The following FHIP1A variants were observed in gnomAD, a reference collection of about 807,000 sequenced individuals.
FHIP1A encodes the protein FHF complex subunit HOOK interacting protein 1A, also known as FHF complex subunit HOOK-interacting protein 1A.
Under a neutral mutation model 88.6 loss-of-function variants are expected in FHIP1A, and 61 were observed. That is an observed-to-expected ratio of 0.69 (90% CI 0.56 to 0.85). The LOEUF (loss-of-function observed/expected upper bound fraction) is 0.85. FHIP1A is among the 40% of genes least tolerant of loss of function. The pLI is 0.00. For synonymous variants in FHIP1A, 478 were observed against 496.0 expected (o/e 0.96, Z 0.48); for missense variants, 1,154 against 1,273.5 (o/e 0.91, Z 1.43).
intron 3 of FHIP1A, among the ~76,000 whole-genome samples, chr4:151,542,745 G>T (rs55932132): frequency 0.29 from 44,102 of 151,852 alleles, 6,649 homozygotes; most frequent in Non-Finnish European, 0.34. Context: ...GTCTTCCCTG[G>T]GGGAAATAAG....
At chr4:151,606,558 C>G (rs1382045567) in intron 7 of FHIP1A, among the ~76,000 whole-genome samples, 2 of 152,174 alleles carry the variant, frequency 1.3e-5, no homozygotes, top group Non-Finnish European at 2.9e-5. Flanking sequence ...GTGAACCAAA[C>G]TAAAAGATAC....
At chr4:151,584,905 A>G (rs1482822054) in intron 5 of FHIP1A, among the ~76,000 whole-genome samples, 1 of 152,098 alleles carries the variant, frequency 6.6e-6, no homozygotes, top group East Asian at 1.9e-4. Flanking sequence ...CAGCTTAGAT[A>G]TCACTTCTTC....
At position 151,666,819 on chromosome 4, in the gene FHIP1A, G is replaced by A. The variant is rs775710108; in HGVS notation, c.*4065G>A. Among the ~76,000 whole-genome samples, 6 of 152,200 alleles carry A rather than the reference G, an allele frequency of 3.9e-5. No homozygotes were observed. Among genetic ancestry groups the A allele is most frequent in the African/African-American group, 7.2e-5 (3 of 41,444 alleles). On this transcript the variant is annotated 3_prime_UTR_variant, in exon 14 of 14. Coordinates refer to ENST00000435205, the MANE Select transcript of FHIP1A (RefSeq NM_001109977.3). ...AATCAAGTGCTTTAACGATGGCATC[G>A]TCCTCTGGGAATAATCAGTCCTTAA...
intron 6 of FHIP1A, 123 bp from the exon 7 acceptor site, chr4:151,588,717 A>C (rs558789119): frequency 1.4e-6 from 1 of 724,664 alleles, no homozygotes; most frequent in Non-Finnish European, 2.5e-6. Context: ...TTCTTTAATC[A>C]CAGAATAAAT....
intron 4 of FHIP1A, among the ~76,000 whole-genome samples, chr4:151,577,116 T>TA (rs1363455730): frequency 1.3e-5 from 2 of 152,200 alleles, no homozygotes; most frequent in Non-Finnish European, 2.9e-5. Flanking sequence ...ACATATCACT[T>TA]ACAGTTTCTC....
At chr4:151,658,127 GT>G (rs1489745446) in intron 13 of FHIP1A, among the ~76,000 whole-genome samples, 1 of 152,172 alleles carries the variant, frequency 6.6e-6, no homozygotes, top group Admixed American at 6.5e-5. Flanking sequence ...CTGTGAGAAG[GT>G]AGACTTCGGG....
intron 1 of FHIP1A, among the ~76,000 whole-genome samples, chr4:151,410,468 AT>A (rs1294575066): frequency 6.6e-6 from 1 of 152,240 alleles, no homozygotes; most frequent in Non-Finnish European, 1.5e-5. Context: ...CTCCCTGCTA[AT>A]AGTCATAGCA....
intron 1 of FHIP1A, among the ~76,000 whole-genome samples, chr4:151,438,727 C>T (rs1025808943): frequency 6.6e-6 from 1 of 151,350 alleles, no homozygotes; most frequent in Non-Finnish European, 1.5e-5. Flanking sequence ...TTGCAGCCTC[C>T]AATTTCTGGG....
intron 1 of FHIP1A, among the ~76,000 whole-genome samples, chr4:151,443,685 CTGTGTGTGTG>C (rs57147339): frequency 1.3e-4 from 16 of 122,102 alleles, no homozygotes; most frequent in African/African-American, 4.7e-4. Context: ...ATGAAGCACT[CTGTGTGTGTG>C]TGTGTGTGTG....
intron 4 of FHIP1A, among the ~76,000 whole-genome samples, chr4:151,573,013 G>C (rs1442068814): frequency 1.3e-5 from 2 of 152,156 alleles, no homozygotes; most frequent in African/African-American, 4.8e-5. Flanking sequence ...GGTCACAGGG[G>C]CCATCATAAG....
At chr4:151,527,433 A>G (rs1731717834) in intron 3 of FHIP1A, among the ~76,000 whole-genome samples, 1 of 152,164 alleles carries the variant, frequency 6.6e-6, no homozygotes, top group South Asian at 2.1e-4. Context: ...CTGAGGCAGG[A>G]GAATCAGGCA....
At chr4:151,440,783 C>T (rs550556783) in intron 1 of FHIP1A, among the ~76,000 whole-genome samples, 1 of 152,124 alleles carries the variant, frequency 6.6e-6, no homozygotes, top group Non-Finnish European at 1.5e-5. Flanking sequence ...GTTGGGTATG[C>T]CTGATATGCT....
At chr4:151,502,169 A>AG (rs1553946875) in intron 3 of FHIP1A, among the ~76,000 whole-genome samples, 5 of 150,848 alleles carry the variant, frequency 3.3e-5, no homozygotes, top group African/African-American at 9.7e-5. Flanking sequence ...AAAAAAAAAA[A>AG]AAAAGAAAAG....
intron 2 of FHIP1A, among the ~76,000 whole-genome samples, chr4:151,460,769 G>A (rs1409623926): frequency 2.0e-5 from 3 of 152,170 alleles, no homozygotes; most frequent in Non-Finnish European, 4.4e-5. Context: ...TGATAAGTAT[G>A]GACCGAGGTC....
At chr4:151,515,255 C>G (rs1181783042) in intron 3 of FHIP1A, among the ~76,000 whole-genome samples, 1 of 35,974 alleles carries the variant, frequency 2.8e-5, no homozygotes, top group Non-Finnish European at 7.0e-5. Context: ...AATTCAACAA[C>G]CTTCATGCTA....
intron 1 of FHIP1A, among the ~76,000 whole-genome samples, chr4:151,429,617 G>A (rs563357504): frequency 6.6e-6 from 1 of 152,282 alleles, no homozygotes; most frequent in East Asian, 1.9e-4. Context: ...GGGAGGCCAA[G>A]GTGGGTGGAT....
rs1737626500 is a variant in FHIP1A, at chr4:151,665,485, A to T, written c.*2731A>T. Among the ~76,000 whole-genome samples, 1 of 152,214 alleles carries T rather than the reference A, an allele frequency of 6.6e-6. No individual in the cohort carries two copies. ...TGGTTTTGCAAAATGAAGTCAGAAAATGGAGCTGGATGTAGAGAGAACAGG... is the reference window on the plus strand; with the variant it reads ...TGGTTTTGCAAAATGAAGTCAGAAATTGGAGCTGGATGTAGAGAGAACAGG... On this transcript the variant is annotated 3_prime_UTR_variant, in exon 14 of 14. Coordinates refer to ENST00000435205, the MANE Select transcript of FHIP1A (RefSeq NM_001109977.3).
chr4:151,501,693 G>GT lies in FHIP1A; in HGVS notation c.-123+19051dup, dbSNP rs781255725. ...TCAAAGATTTTGAACATTTTTTCAT[G>GT]TTTTTTATGTTGGTCATTTGTATAT... On this transcript the variant is annotated intron_variant, in intron 3 of 13. Transcript: ENST00000435205. Among the ~76,000 whole-genome samples, 8 of 150,610 alleles carry GT rather than the reference G, an allele frequency of 5.3e-5. No individual in the cohort carries two copies. The East Asian group carries it at 1.2e-3, about 22-fold the overall frequency.
intron 2 of FHIP1A, among the ~76,000 whole-genome samples, chr4:151,462,360 A>G (rs916625395): frequency 2.0e-5 from 3 of 152,120 alleles, no homozygotes; most frequent in Admixed American, 2.0e-4. Context: ...CTACATGCCA[A>G]TACTTACCTG....
Sources: gnomAD v4.1 joint callset for allele counts (sites outside exome capture counted in the v4.1 genomes callset) on GRCh38, gnomAD v4.1.1 for gene constraint, MANE v1.5 for transcripts, NCBI Gene and HGNC (gene_info 2026-07-23, HGNC 2026-07-21) for gene names.